Variants in KCNIP4 observed in about 807,000 individuals in gnomAD.
KCNIP4 encodes the protein Kv channel-interacting protein 4.
Under a neutral mutation model 34.0 loss-of-function variants are expected in KCNIP4, and 12 were observed. The observed-to-expected ratio is 0.35, with a 90% confidence interval of 0.23 to 0.57. The LOEUF (loss-of-function observed/expected upper bound fraction) is 0.57. Among genes scored for constraint, KCNIP4 ranks in the 20% least tolerant of loss-of-function variants. The pLI, the probability that KCNIP4 is intolerant of heterozygous loss-of-function variation, is 0.83. For synonymous variants in KCNIP4, 124 were observed against 102.2 expected, an observed-to-expected ratio of 1.21 and a Z score of -1.29; for missense variants, 238 against 311.7, an observed-to-expected ratio of 0.76 and a Z score of 1.78.
intron 1 of KCNIP4, among the ~76,000 whole-genome samples, chr4:21,120,705 C>T (rs1181022564): frequency 1.3e-5 from 2 of 152,246 alleles, no homozygotes; most frequent in Admixed American, 6.5e-5. Context: ...ACAATCCAAT[C>T]GCTTCCCACC....
Position 20,876,263 on chromosome 4 carries a change from A to G in KCNIP4, c.163+6345T>C, listed in dbSNP as rs565547786. 5.9e-5 allele frequency among the ~76,000 whole-genome samples: 9 copies of G among 152,248 alleles called. No individual in the cohort carries two copies. In the South Asian group the frequency reaches 1.9e-3, roughly 32 times the overall value. ...TATCTAGTAAGTGCCTTTTTGTCAAATAATGTCCATTGAATGAGTAAGGAA... is the reference window on the plus strand; with the variant it reads ...TATCTAGTAAGTGCCTTTTTGTCAAGTAATGTCCATTGAATGAGTAAGGAA... On this transcript the variant is annotated intron_variant, in intron 2 of 8. Transcript: ENST00000382152.
At chr4:21,827,577 A>C (rs1722747434) in intron 1 of KCNIP4, among the ~76,000 whole-genome samples, 1 of 152,056 alleles carries the variant, frequency 6.6e-6, no homozygotes, top group African/African-American at 2.4e-5. Context: ...GTCTCTGCCA[A>C]ATTCTGAAAA....
intron 3 of KCNIP4, among the ~76,000 whole-genome samples, chr4:20,816,069 C>T (rs1403843747): frequency 2.0e-5 from 3 of 151,680 alleles, no homozygotes; most frequent in African/African-American, 7.3e-5. Flanking sequence ...GCCAACATGG[C>T]GAAACTCCGT....
intron 1 of KCNIP4, among the ~76,000 whole-genome samples, chr4:21,207,035 T>C (rs758353135): frequency 1.1e-4 from 17 of 152,220 alleles, no homozygotes; most frequent in Admixed American, 4.6e-4. Context: ...AGTGATGCCA[T>C]CTCTAATAGC....
rs1553905289 is a variant in KCNIP4 at position 21,572,633 on chromosome 4, C to CTGT, written c.61+375937_61+375938insACA. On this transcript the variant is annotated intron_variant, in intron 1 of 8. Transcript: ENST00000382152. ...GCATGGATCCACAAAGATCTCTCAT[C>CTGT]TTTTTTTTTTTTTTTTGAGACTTGC... Among the ~76,000 whole-genome samples the CTGT allele has an allele frequency of 2.5e-3, 348 of 140,722 alleles. 3 individuals carry two copies. Among genetic ancestry groups the CTGT allele is most frequent in the African/African-American group, 8.7e-3 (332 of 38,286 alleles). 92.3% of individuals were successfully genotyped at this position (140,722 alleles called of 152,430 possible).
chr4:21,357,562 G>A (rs987849587), intron 1 of KCNIP4, among the ~76,000 whole-genome samples: 2 of 152,108 alleles, frequency 1.3e-5, no homozygotes, highest in Non-Finnish European at 2.9e-5. Flanking sequence ...ACAGACACAT[G>A]AAAAAATGCT....
intron 3 of KCNIP4, among the ~76,000 whole-genome samples, chr4:20,762,995 T>C (rs1388442974): frequency 6.6e-6 from 1 of 152,112 alleles, no homozygotes; most frequent in African/African-American, 2.4e-5. Context: ...GAGCCCCTTA[T>C]AAAACCATCA....
At chr4:21,726,559 A>G (rs953265969) in intron 1 of KCNIP4, among the ~76,000 whole-genome samples, 4 of 152,212 alleles carry the variant, frequency 2.6e-5, no homozygotes, top group Non-Finnish European at 5.9e-5. Context: ...ATTGTCATTT[A>G]GGCCAGCAAC....
intron 1 of KCNIP4, among the ~76,000 whole-genome samples, chr4:21,909,128 T>C (rs1378801627): frequency 6.6e-6 from 1 of 152,094 alleles, no homozygotes; most frequent in Admixed American, 6.6e-5. Flanking sequence ...ATATCAATAG[T>C]TTATTACTGG....
chr4:21,375,121 T>A (rs531032086), intron 1 of KCNIP4, among the ~76,000 whole-genome samples: 2 of 147,494 alleles, frequency 1.4e-5, no homozygotes, highest in East Asian at 4.0e-4. Context: ...TGCAAATAGG[T>A]TACTCAAGTA....
intron 1 of KCNIP4, among the ~76,000 whole-genome samples, chr4:21,046,400 A>G (rs775778556): frequency 2.8e-4 from 43 of 152,078 alleles, no homozygotes; most frequent in Non-Finnish European, 5.4e-4. Flanking sequence ...TCTCCGCCCA[A>G]TTTTTGTCCT....
chr4:21,275,580 A>G (rs1055765668), intron 1 of KCNIP4, among the ~76,000 whole-genome samples: 5 of 152,178 alleles, frequency 3.3e-5, no homozygotes, highest in African/African-American at 1.2e-4. Context: ...CAACACTCCT[A>G]TGAGAAAGCC....
At chr4:21,761,403 T>C (rs2109169582) in intron 1 of KCNIP4, among the ~76,000 whole-genome samples, 1 of 152,162 alleles carries the variant, frequency 6.6e-6, no homozygotes, top group South Asian at 2.1e-4. Flanking sequence ...GGAGAAAAAA[T>C]AATGAATTAT....
intron 1 of KCNIP4, among the ~76,000 whole-genome samples, chr4:21,220,303 T>C (rs1412609365): frequency 6.6e-6 from 1 of 152,128 alleles, no homozygotes; most frequent in Non-Finnish European, 1.5e-5. Flanking sequence ...TGATAATAAT[T>C]GATTAAGGGA....
intron 1 of KCNIP4, among the ~76,000 whole-genome samples, chr4:21,289,632 C>T (rs1311722456): frequency 6.6e-6 from 1 of 152,050 alleles, no homozygotes; most frequent in Non-Finnish European, 1.5e-5. Flanking sequence ...GGATTCCTGC[C>T]TAGTAAGCCA....
intron 1 of KCNIP4, among the ~76,000 whole-genome samples, chr4:21,475,020 C>T (rs563905031): frequency 3.5e-5 from 5 of 141,852 alleles, no homozygotes; most frequent in Non-Finnish European, 7.8e-5. Context: ...AAAAAAAAGA[C>T]GTTAATAAAA....
At chr4:21,704,409 G>A (rs1000093377) in intron 1 of KCNIP4, among the ~76,000 whole-genome samples, 25 of 152,162 alleles carry the variant, frequency 1.6e-4, no homozygotes, top group Non-Finnish European at 3.1e-4. Flanking sequence ...ACCCTGTCAA[G>A]ACAATGAAAA....
In KCNIP4 at chr4:20,916,285, C is replaced by A; in HGVS notation, c.62-33576G>T. 4.1e-6 allele frequency: 4 copies of A among 983,086 alleles called. No homozygotes were observed. In the African/African-American group the frequency reaches 7.0e-5, roughly 17 times the overall value. The allele number at this position is 983,086 out of a possible 1,614,324, so 60.9% of individuals were successfully genotyped here. A position where few individuals can be genotyped will look rare whatever the true frequency, so the allele number is the denominator to read the frequency against. On this transcript the variant is annotated intron_variant, in intron 1 of 8. Coordinates refer to ENST00000382152, the MANE Select transcript of KCNIP4 (RefSeq NM_025221.6). ...CTCTGACCTCCACCCACATTTCCTG[C>A]CCACGTAACCTCAGAGTGGCTTTTT...
At chr4:21,789,653 G>A (rs550117038) in intron 1 of KCNIP4, among the ~76,000 whole-genome samples, 9 of 152,266 alleles carry the variant, frequency 5.9e-5, no homozygotes, top group East Asian at 5.8e-4. Flanking sequence ...TTAGCTCATC[G>A]TCAAGACATT....
Sources: gnomAD v4.1 joint callset for allele counts (sites outside exome capture counted in the v4.1 genomes callset) on GRCh38, gnomAD v4.1.1 for gene constraint, MANE v1.5 for transcripts, NCBI Gene and HGNC (gene_info 2026-07-23, HGNC 2026-07-21) for gene names.